Variants in NPAT observed in about 807,000 individuals in gnomAD.
NPAT encodes the protein nuclear protein, coactivator of histone transcription, also known as protein NPAT.
Under a neutral mutation model 130.7 loss-of-function variants are expected in NPAT, and 52 were observed. That is an observed-to-expected ratio of 0.40 (90% CI 0.32 to 0.50). The LOEUF is 0.50. Ranked by LOEUF, NPAT falls within the 20% of genes least tolerant of loss-of-function variation. The probability of loss-of-function intolerance (pLI) is 0.68; values close to 1 mark genes in which losing one functional copy is unlikely to be tolerated. For missense variants in NPAT, 1,687 were observed against 1,662.6 expected (o/e 1.01, Z -0.26); for synonymous variants, 580 against 584.8 (o/e 0.99, Z 0.12).
At chr11:108,203,526 A>G (rs1041237341) in intron 1 of NPAT, among the ~76,000 whole-genome samples, 4 of 152,226 alleles carry the variant, frequency 2.6e-5, no homozygotes, top group African/African-American at 9.6e-5. Context: ...GACCTGTAAC[A>G]GTACCCGAAG....
Position 108,161,445 on chromosome 11 carries a change from G to A in NPAT, c.3641C>T (p.Ser1214Phe), listed in dbSNP as rs765768590. The A allele has an allele frequency of 6.2e-7, 1 of 1,614,162 alleles. No homozygotes were observed. Among genetic ancestry groups the A allele is most frequent in the Non-Finnish European group, 8.5e-7 (1 of 1,180,012 alleles). ...TGAAAGTACATTTTTATTGTTTGAA[G>A]ATGTGCCTTGTTTTTTGGTCATTTC... is the stretch of plus-strand genomic sequence containing the variant. ...LQEMTKKQGT[S>F]SNNKNVLSVG... The change falls in exon 17 of 18, where the codon TCT becomes TTT. Residue 1214 changes from serine (S) to phenylalanine (F), a missense_variant. Coordinates refer to ENST00000278612, the MANE Select transcript of NPAT (RefSeq NM_002519.3).
At chr11:108,219,983 A>C (rs183460) in intron 1 of NPAT, among the ~76,000 whole-genome samples, 80,053 of 152,072 alleles carry the variant, frequency 0.53, 21,913 homozygotes, top group Middle Eastern at 0.73. Flanking sequence ...TACTAGGAAG[A>C]CAAAGAGAAG....
At chr11:108,215,442 G>T (rs558602786) in intron 1 of NPAT, among the ~76,000 whole-genome samples, 1 of 152,202 alleles carries the variant, frequency 6.6e-6, no homozygotes, top group Non-Finnish European at 1.5e-5. Context: ...TAACACCTGG[G>T]TGATGAAATA....
chr11:108,221,263 T>C (rs2078490162), intron 1 of NPAT, among the ~76,000 whole-genome samples: 1 of 152,138 alleles, frequency 6.6e-6, no homozygotes, highest in African/African-American at 2.4e-5. Flanking sequence ...CATCCTACAA[T>C]GTTTGAGCAC....
intron 1 of NPAT, among the ~76,000 whole-genome samples, chr11:108,206,564 G>A (rs1392319125): frequency 6.6e-6 from 1 of 152,122 alleles, no homozygotes; most frequent in Non-Finnish European, 1.5e-5. Flanking sequence ...CTGAAGCTTG[G>A]AGACATCAAG....
intron 3 of NPAT, among the ~76,000 whole-genome samples, chr11:108,192,405 T>C (rs2078178676): frequency 6.6e-6 from 1 of 152,310 alleles, no homozygotes; most frequent in African/African-American, 2.4e-5. Flanking sequence ...TGAGTAGAAA[T>C]GGACATCTGT....
intron 1 of NPAT, among the ~76,000 whole-genome samples, chr11:108,212,472 C>G (rs1208114600): frequency 2.0e-5 from 3 of 150,550 alleles, no homozygotes; most frequent in Non-Finnish European, 2.9e-5. Flanking sequence ...TTGCAGTGAG[C>G]TGAGATAGGG....
chr11:108,173,291 G>A lies in NPAT; in HGVS notation c.1693C>T (p.His565Tyr). 6.2e-7 allele frequency: 1 copy of A among 1,611,848 alleles called. No individual in the cohort carries two copies. The highest frequency in any genetic ancestry group is 8.5e-7 in the Non-Finnish European group (1 of 1,178,578). ...CTAGAATCTGATGACTTGGAACCAT[G>A]AAAATTAATTTTAAGTTTTACTGTA... ...NDTVKLKINF[H>Y]GSKSSDSSEV... The change falls in exon 13 of 18, where the codon CAT becomes TAT. Residue 565 changes from histidine (H) to tyrosine (Y), a missense_variant. His to Tyr is a moderately conservative substitution (Grantham distance 83, BLOSUM62 2). Coordinates refer to ENST00000278612, the MANE Select transcript of NPAT (RefSeq NM_002519.3).
intron 15 of NPAT, among the ~76,000 whole-genome samples, chr11:108,165,472 A>ATATATTT (rs1555039325): frequency 7.7e-6 from 1 of 129,780 alleles, no homozygotes; most frequent in Non-Finnish European, 1.6e-5. Context: ...ATATATATAT[A>ATATATTT]TTTTTTTTTT....
chr11:108,181,126 T>C (rs893263239), intron 10 of NPAT, among the ~76,000 whole-genome samples: 4 of 152,352 alleles, frequency 2.6e-5, no homozygotes, highest in African/African-American at 9.6e-5. Context: ...TCAACAGGAC[T>C]GTATTTGCAG....
intron 1 of NPAT, 99 bp downstream of exon 1, chr11:108,222,401 C>T (rs2078530645): frequency 5.3e-6 from 7 of 1,322,428 alleles, no homozygotes; most frequent in South Asian, 4.9e-5. Context: ...GGAGGCAAAA[C>T]CCCAAAGCTT....
At chr11:108,172,071 AC>A in intron 13 of NPAT, 127 bp downstream of exon 13, 1 of 815,440 alleles carries the variant, frequency 1.2e-6, no homozygotes, top group South Asian at 1.5e-5. Context: ...CAGCGTAATC[AC>A]AAATTTCAGA....
chr11:108,173,883 G>T (rs908673742), intron 12 of NPAT, 32 bp from the exon 13 acceptor site: 2 of 1,579,932 alleles, frequency 1.3e-6, no homozygotes, highest in South Asian at 1.1e-5. Flanking sequence ...GACAGATATG[G>T]TAAATATGTT....
chr11:108,204,836 T>C (rs1038058969), intron 1 of NPAT, among the ~76,000 whole-genome samples: 2 of 152,184 alleles, frequency 1.3e-5, no homozygotes, highest in African/African-American at 4.8e-5. Context: ...AAATCCAGAA[T>C]GATGAAAAGT....
chr11:108,200,416 G>A (rs1269910863), intron 1 of NPAT, among the ~76,000 whole-genome samples: 1 of 152,148 alleles, frequency 6.6e-6, no homozygotes, highest in Non-Finnish European at 1.5e-5. Context: ...TCCTCTGCTA[G>A]GCAGGGCTAT....
In NPAT at chr11:108,173,284, G is replaced by A. The variant is rs1016973812; in HGVS notation, c.1700C>T (p.Ser567Phe). The A allele has an allele frequency of 6.2e-7, 1 of 1,611,560 alleles. No homozygotes were observed. The highest frequency in any genetic ancestry group is 1.3e-5 in the African/African-American group (1 of 74,856). The change falls in exon 13 of 18, where the codon TCC becomes TTC. Residue 567 changes from serine (S) to phenylalanine (F), a missense_variant. Physicochemically the swap from Ser to Phe is radical, Grantham distance 155 (BLOSUM62 -2). This residue lies in a region of NPAT where 1,379 missense variants were observed against 1,346.6 expected (regional missense o/e 1.02). Transcript: ENST00000278612. ...AACTTCACTAGAATCTGATGACTTG[G>A]AACCATGAAAATTAATTTTAAGTTT... The part of the protein sequence containing the change: ...TVKLKINFHG[S>F]KSSDSSEVHK...
At chr11:108,194,368 A>G (rs772059716) in intron 2 of NPAT, among the ~76,000 whole-genome samples, 1 of 152,222 alleles carries the variant, frequency 6.6e-6, no homozygotes, top group Non-Finnish European at 1.5e-5. Context: ...TGTCATACCA[A>G]TATCTCAGAC....
chr11:108,210,910 C>T (rs2078377920), intron 1 of NPAT, among the ~76,000 whole-genome samples: 2 of 152,172 alleles, frequency 1.3e-5, no homozygotes, highest in South Asian at 2.1e-4. Flanking sequence ...AAACTACACG[C>T]CAATAATCCT....
chr11:108,212,822 C>T (rs1197288979), intron 1 of NPAT, among the ~76,000 whole-genome samples: 1 of 150,592 alleles, frequency 6.6e-6, no homozygotes. Context: ...TGGTGTCCAC[C>T]TTAATCCCAG....
Sources: gnomAD v4.1 joint callset for allele counts (sites outside exome capture counted in the v4.1 genomes callset) on GRCh38, gnomAD v4.1.1 for gene constraint, gnomAD v4.1.1 regional missense constraint, MANE v1.5 for transcripts, NCBI Gene and HGNC (gene_info 2026-07-23, HGNC 2026-07-21) for gene names.